The following FER1L6 variants were observed in gnomAD, a reference collection of about 807,000 sequenced individuals.
FER1L6 encodes the protein fer-1-like protein 6.
A neutral mutation model predicts 219.2 loss-of-function variants in FER1L6; 177 were observed. The ratio of observed to expected loss-of-function variants is 0.81; its 90% CI spans 0.71 to 0.91. The LOEUF (loss-of-function observed/expected upper bound fraction) is 0.91, where lower values mean the gene tolerates loss of function less well. FER1L6 is among the 40% of genes least tolerant of loss of function. The pLI is 0.00. For synonymous variants in FER1L6, 768 were observed against 824.3 expected, an observed-to-expected ratio of 0.93 and a Z score of 1.17; for missense variants, 2,153 against 2,259.9, an observed-to-expected ratio of 0.95 and a Z score of 0.96.
chr8:124,002,184 A>C (rs1488146889), intron 12 of FER1L6, among the ~76,000 whole-genome samples: 2 of 152,234 alleles, frequency 1.3e-5, no homozygotes, highest in African/African-American at 4.8e-5. Context: ...GACAGACTCC[A>C]TTAGTAGAAG....
intron 1 of FER1L6, among the ~76,000 whole-genome samples, chr8:123,882,336 C>T (rs4571718): frequency 0.77 from 116,872 of 152,134 alleles, 45,160 homozygotes; most frequent in South Asian, 0.86. Flanking sequence ...CTGATGTCCA[C>T]CTGTCTTAGC....
At chr8:123,868,924 T>G (rs974936050) in intron 1 of FER1L6, among the ~76,000 whole-genome samples, 1 of 152,150 alleles carries the variant, frequency 6.6e-6, no homozygotes, top group Non-Finnish European at 1.5e-5. Context: ...AATGATTTAA[T>G]CAGTAGTTCA....
intron 1 of FER1L6, among the ~76,000 whole-genome samples, chr8:123,874,406 T>A (rs1816969838): frequency 6.6e-6 from 1 of 152,216 alleles, no homozygotes; most frequent in Admixed American, 6.5e-5. Context: ...TAATATTAAC[T>A]ACCTCATAGA....
intron 1 of FER1L6, among the ~76,000 whole-genome samples, chr8:123,937,779 G>T (rs1306898683): frequency 6.6e-6 from 1 of 151,768 alleles, no homozygotes; most frequent in Non-Finnish European, 1.5e-5. Context: ...TTCTATTTTA[G>T]AAAAATATAT....
intron 22 of FER1L6, among the ~76,000 whole-genome samples, chr8:124,054,497 G>C (rs371182024): frequency 6.6e-6 from 1 of 151,968 alleles, no homozygotes; most frequent in Non-Finnish European, 1.5e-5. Flanking sequence ...ATTTTTTCAC[G>C]ATAAGTGTTA....
intron 1 of FER1L6, among the ~76,000 whole-genome samples, chr8:123,884,487 G>C (rs947009332): frequency 3.9e-5 from 6 of 152,180 alleles, no homozygotes; most frequent in Non-Finnish European, 7.3e-5. Flanking sequence ...AGGCAGAATT[G>C]CTCTCATCCA....
chr8:124,110,574 TAA>T (rs1325255243), intron 39 of FER1L6, among the ~76,000 whole-genome samples: 1 of 152,140 alleles, frequency 6.6e-6, no homozygotes, highest in Non-Finnish European at 1.5e-5. Context: ...CAAAAGCTAG[TAA>T]AGTTTTATCA....
chr8:124,029,244 G>A (rs1818853165), intron 18 of FER1L6, among the ~76,000 whole-genome samples: 1 of 152,192 alleles, frequency 6.6e-6, no homozygotes, highest in Non-Finnish European at 1.5e-5. Flanking sequence ...AAACATACGT[G>A]TGCATGTGTC....
At chr8:124,092,852 CTT>C (rs56104148) in intron 34 of FER1L6, among the ~76,000 whole-genome samples, 4 of 140,160 alleles carry the variant, frequency 2.9e-5, no homozygotes, top group African/African-American at 8.0e-5. Flanking sequence ...AAGTGCTACC[CTT>C]TTTTTTTTTT....
At chr8:124,084,306 G>A (rs1407598859) in intron 33 of FER1L6, among the ~76,000 whole-genome samples, 2 of 151,914 alleles carry the variant, frequency 1.3e-5, no homozygotes, top group African/African-American at 4.8e-5. Flanking sequence ...TTGAATAACA[G>A]TGGTGAAAGT....
intron 17 of FER1L6, among the ~76,000 whole-genome samples, chr8:124,021,941 A>G (rs1444184214): frequency 2.6e-5 from 4 of 152,250 alleles, no homozygotes; most frequent in African/African-American, 9.6e-5. Context: ...AAGCCCAGGA[A>G]CTTTGATAGG....
chr8:124,100,581 A>G (rs577391296), intron 37 of FER1L6, among the ~76,000 whole-genome samples: 5 of 152,246 alleles, frequency 3.3e-5, no homozygotes, highest in Non-Finnish European at 5.9e-5. Context: ...TGGGCTTTCT[A>G]GGCCTAGAAC....
At chr8:124,112,314 C>T (rs1178862490) in intron 39 of FER1L6, among the ~76,000 whole-genome samples, 1 of 152,180 alleles carries the variant, frequency 6.6e-6, no homozygotes, top group African/African-American at 2.4e-5. Flanking sequence ...GTCCCCCCAG[C>T]AGTATCATTT....
intron 19 of FER1L6, 120 bp downstream of exon 19, chr8:124,035,574 C>T: frequency 1.1e-6 from 1 of 938,660 alleles, no homozygotes; most frequent in Non-Finnish European, 1.6e-6. Context: ...ACTTATTGGT[C>T]TTCTTAAGTA....
intron 39 of FER1L6, among the ~76,000 whole-genome samples, chr8:124,106,519 G>A (rs1822783024): frequency 6.6e-6 from 1 of 152,054 alleles, no homozygotes; most frequent in East Asian, 1.9e-4. Flanking sequence ...ATCTCTCACT[G>A]CTCCCCTCTC....
chr8:123,989,849 T>C (rs1379251738), intron 12 of FER1L6, among the ~76,000 whole-genome samples: 2 of 152,226 alleles, frequency 1.3e-5, no homozygotes, highest in Non-Finnish European at 2.9e-5. Flanking sequence ...ATCTTTGCAA[T>C]TGTGAATTGT....
rs201936920 is a variant in FER1L6, at chr8:124,071,585, C to T, written c.4046C>T (p.Pro1349Leu). 533 of 1,613,972 alleles carry T rather than the reference C, an allele frequency of 3.3e-4. No homozygotes were observed. The highest frequency in any genetic ancestry group is 4.1e-4 in the Non-Finnish European group (485 of 1,179,988). The change falls in exon 31 of 41, where the codon CCG becomes CTG. Residue 1349 changes from proline (P) to leucine (L), a missense_variant. By Grantham distance (98) the Pro-to-Leu change is moderately conservative (BLOSUM62 -3). Transcript: ENST00000522917. ...CAGCTGAGAATCCAGCAAGGGATTC[C>T]GCCCAATCACCCTGTCACAGTGCTG... ...SGQLRIQQGI[P>L]PNHPVTVLIR...
chr8:123,884,679 C>T (rs1038006017), intron 1 of FER1L6, among the ~76,000 whole-genome samples: 3 of 152,128 alleles, frequency 2.0e-5, no homozygotes, highest in African/African-American at 7.2e-5. Context: ...GGACTATTTG[C>T]AAGGACACAA....
chr8:124,107,161 G>A (rs997801760), intron 39 of FER1L6, among the ~76,000 whole-genome samples: 2 of 151,846 alleles, frequency 1.3e-5, no homozygotes, highest in African/African-American at 4.8e-5. Flanking sequence ...TGTTAGCCAG[G>A]ATGGTCTCGA....
Sources: allele counts gnomAD v4.1 joint callset (sites outside exome capture counted in the v4.1 genomes callset), GRCh38; gene constraint gnomAD v4.1.1; transcripts MANE v1.5; gene names NCBI Gene and HGNC (gene_info 2026-07-23, HGNC 2026-07-21).